ADAMTSL3: variants seen among roughly 807,000 people sequenced by gnomAD.
The protein encoded by ADAMTSL3 is ADAMTS-like protein 3.
ADAMTSL3 carries 128 observed loss-of-function variants against 201.7 expected under a neutral mutation model. That is an observed-to-expected ratio of 0.63 (90% confidence interval 0.55 to 0.73). The LOEUF is 0.73. Among genes scored for constraint, ADAMTSL3 ranks in the 30% least tolerant of loss-of-function variants. The pLI, the probability that ADAMTSL3 is intolerant of heterozygous loss-of-function variation, is 0.00. For missense variants in ADAMTSL3, 1,990 were observed against 2,119.6 expected (o/e 0.94, Z 1.20); for synonymous variants, 738 against 748.4 (o/e 0.99, Z 0.23).
chr15:83,715,019 G>A (rs999063275), intron 3 of ADAMTSL3, among the ~76,000 whole-genome samples: 2 of 151,248 alleles, frequency 1.3e-5, no homozygotes, highest in African/African-American at 4.9e-5. Flanking sequence ...TTCATGGGTT[G>A]TAGTGGGAGG....
chr15:83,982,699 A>G lies in ADAMTSL3; in HGVS notation c.3071A>G (p.Asn1024Ser), dbSNP rs2067407927. The G allele has an allele frequency of 1.2e-6, 2 of 1,608,974 alleles. No individual in the cohort carries two copies. The highest frequency in any genetic ancestry group is 2.8e-5 in the African/African-American group (2 of 70,550). ...CCTGGGATGGACCACAGCGAAGCCA[A>G]TAGTTTGGGAGTCACATGGCACAAA... ...EYPGMDHSEA[N>S]SLGVTWHKMR... Residue 1024 changes from asparagine (N) to serine (S), a missense_variant, in exon 21 of 30, where the codon AAT (asparagine) becomes AGT (serine). Coordinates refer to ENST00000286744, the MANE Select transcript of ADAMTSL3 (RefSeq NM_207517.3).
chr15:83,823,536 G>A (rs572425273), intron 6 of ADAMTSL3, among the ~76,000 whole-genome samples: 12 of 152,140 alleles, frequency 7.9e-5, no homozygotes, highest in Middle Eastern at 3.4e-3. Context: ...CCATTGCCAC[G>A]TCCTGTCAAT....
Position 83,704,444 on chromosome 15 carries a change from C to A in ADAMTSL3, c.125C>A (p.Pro42His), listed in dbSNP as rs2061820350. The A allele has an allele frequency of 6.2e-7, 1 of 1,614,064 alleles. No individual in the cohort carries two copies. Among genetic ancestry groups the A allele is most frequent in the African/African-American group, 1.3e-5 (1 of 74,924 alleles). ...TTCCTTCCCGAGTTTGCACTTTCTC[C>A]TCAGGGAAGTTTTCTGGAAGACACA... ...AYFLPEFALS[P>H]QGSFLEDTTG... The change falls in exon 3 of 30, where the codon CCT becomes CAT. Residue 42 changes from proline (P) to histidine (H), a missense_variant. Transcript: ENST00000286744.
chr15:83,854,646 A>C (rs1242342797), intron 7 of ADAMTSL3, among the ~76,000 whole-genome samples: 2 of 152,220 alleles, frequency 1.3e-5, no homozygotes, highest in Non-Finnish European at 2.9e-5. Flanking sequence ...TTTAGTGTAC[A>C]TTGATGATCC....
intron 3 of ADAMTSL3, among the ~76,000 whole-genome samples, chr15:83,709,517 A>G (rs763322958): frequency 6.6e-6 from 1 of 152,128 alleles, no homozygotes; most frequent in Non-Finnish European, 1.5e-5. Context: ...GTCACTGCAC[A>G]TGGTTCTTTT....
intron 3 of ADAMTSL3, among the ~76,000 whole-genome samples, chr15:83,752,500 C>CACAT (rs2062653251): frequency 6.6e-6 from 1 of 152,188 alleles, no homozygotes. Flanking sequence ...CACACACACA[C>CACAT]ACATACATAC....
intron 7 of ADAMTSL3, among the ~76,000 whole-genome samples, chr15:83,844,009 T>A (rs2064440591): frequency 6.6e-6 from 1 of 152,120 alleles, no homozygotes; most frequent in Non-Finnish European, 1.5e-5. Flanking sequence ...AACAAACATA[T>A]CTGTTTAGAG....
chr15:83,698,079 ATAG>A (rs2061711778), intron 2 of ADAMTSL3, among the ~76,000 whole-genome samples: 1 of 152,206 alleles, frequency 6.6e-6, no homozygotes, highest in Non-Finnish European at 1.5e-5. Context: ...CAAAGACCAA[ATAG>A]TAGAACAAAA....
chr15:83,996,161 T>C (rs1318555534), intron 23 of ADAMTSL3, among the ~76,000 whole-genome samples: 1 of 152,166 alleles, frequency 6.6e-6, no homozygotes, highest in Non-Finnish European at 1.5e-5. Context: ...TTTATGACTT[T>C]GGAATGGAAA....
chr15:83,687,597 C>G (rs1323479434), intron 2 of ADAMTSL3, among the ~76,000 whole-genome samples: 1 of 152,086 alleles, frequency 6.6e-6, no homozygotes, highest in Non-Finnish European at 1.5e-5. Flanking sequence ...AAGGAGATAA[C>G]CAATGTAGAG....
intron 16 of ADAMTSL3, 30 bp downstream of exon 16, chr15:83,913,408 A>G (rs763611430): frequency 1.2e-6 from 2 of 1,602,714 alleles, no homozygotes; most frequent in African/African-American, 2.7e-5. Flanking sequence ...AGGGACAGTT[A>G]TGTTGTGTGT....
At chr15:84,024,453 G>A (rs1410490368) in intron 26 of ADAMTSL3, among the ~76,000 whole-genome samples, 1 of 152,174 alleles carries the variant, frequency 6.6e-6, no homozygotes, top group East Asian at 1.9e-4. Flanking sequence ...TAATGCTACT[G>A]TACTTGTGGC....
chr15:83,664,285 T>A (rs1014799669), intron 2 of ADAMTSL3, among the ~76,000 whole-genome samples: 9 of 152,148 alleles, frequency 5.9e-5, no homozygotes, highest in African/African-American at 2.2e-4. Context: ...TTTTTTTTTT[T>A]AACTCAAGGT....
intron 2 of ADAMTSL3, among the ~76,000 whole-genome samples, chr15:83,669,453 G>GTTTTT (rs71156089): frequency 1.1e-4 from 6 of 56,880 alleles, no homozygotes; most frequent in Admixed American, 2.7e-4. Flanking sequence ...CGGGAGTGAG[G>GTTTTT]TTTTTTTTTT....
intron 19 of ADAMTSL3, among the ~76,000 whole-genome samples, chr15:83,954,442 T>C (rs897498551): frequency 9.2e-5 from 14 of 152,224 alleles, no homozygotes; most frequent in African/African-American, 3.4e-4. Context: ...TTCTATATTG[T>C]CTTGAATTTG....
intron 4 of ADAMTSL3, among the ~76,000 whole-genome samples, chr15:83,783,459 A>G (rs2063209225): frequency 6.6e-6 from 1 of 152,170 alleles, no homozygotes; most frequent in Non-Finnish European, 1.5e-5. Context: ...TAAAAGACAA[A>G]AGATTGTTAG....
At chr15:84,033,759 G>A (rs149945267) in intron 28 of ADAMTSL3, among the ~76,000 whole-genome samples, 10 of 152,268 alleles carry the variant, frequency 6.6e-5, no homozygotes, top group Non-Finnish European at 1.3e-4. Flanking sequence ...TCATGTTCCA[G>A]CCACACTGTC....
intron 13 of ADAMTSL3, 98 bp downstream of exon 13, chr15:83,892,986 A>G (rs1041049621): frequency 2.5e-6 from 3 of 1,181,930 alleles, no homozygotes; most frequent in South Asian, 1.5e-5. Flanking sequence ...GAGACAAAAA[A>G]AAAGTGGTAA....
intron 2 of ADAMTSL3, among the ~76,000 whole-genome samples, chr15:83,690,411 A>G (rs1239721850): frequency 6.6e-6 from 1 of 152,030 alleles, no homozygotes; most frequent in African/African-American, 2.4e-5. Context: ...CGTTCATGCA[A>G]CTTGGACTGT....
Sources: allele counts gnomAD v4.1 joint callset (sites outside exome capture counted in the v4.1 genomes callset), GRCh38; gene constraint gnomAD v4.1.1; transcripts MANE v1.5; gene names NCBI Gene and HGNC (gene_info 2026-07-23, HGNC 2026-07-21).